The following CCDC7 variants were observed in gnomAD, a reference collection of about 807,000 sequenced individuals.
CCDC7 encodes the protein coiled-coil domain-containing protein 7.
Under a neutral mutation model 196.9 loss-of-function variants are expected in CCDC7, and 183 were observed. That is an observed-to-expected ratio of 0.93 (90% CI 0.82 to 1.05). The LOEUF is 1.05. CCDC7 is among the 50% of genes least tolerant of loss of function. The pLI is 0.00. For synonymous variants in CCDC7, 525 were observed against 484.6 expected, an observed-to-expected ratio of 1.08 and a Z score of -1.10; for missense variants, 1,540 against 1,482.2, an observed-to-expected ratio of 1.04 and a Z score of -0.64.
chr10:32,629,858 C>G (rs1415048354), intron 18 of CCDC7, among the ~76,000 whole-genome samples: 1 of 152,142 alleles, frequency 6.6e-6, no homozygotes, highest in Non-Finnish European at 1.5e-5. Flanking sequence ...GGAATTATTG[C>G]AGGAGCATCC....
At chr10:32,451,578 A>G (rs2033087038), upstream of CCDC7, 3 of 1,513,330 alleles carry the variant, frequency 2.0e-6, no homozygotes, top group Non-Finnish European at 2.6e-6. Flanking sequence ...TGAATCTCTT[A>G]TTTTTTTTCA....
In CCDC7 at chr10:32,726,798, G is replaced by GA. The variant is rs765697006; in HGVS notation, c.2641dup (p.Ile881AsnfsTer9). The GA allele has an allele frequency of 1.3e-6, 2 of 1,599,360 alleles. No individual in the cohort carries two copies. The highest frequency in any genetic ancestry group is 1.7e-6 in the Non-Finnish European group (2 of 1,170,228). On this transcript the variant is annotated frameshift_variant, in exon 26 of 42. Transcript: ENST00000639629. LOFTEE classifies it high-confidence loss of function. ...TGTCAAAACTCCAAATGCAAGAAAA[G>GA]AAAAAAATAACTCCTGGAAGGGAAA...
At chr10:32,701,834 G>C (rs1448169034) in intron 24 of CCDC7, among the ~76,000 whole-genome samples, 1 of 152,138 alleles carries the variant, frequency 6.6e-6, no homozygotes, top group African/African-American at 2.4e-5. Flanking sequence ...TCTGATGGTA[G>C]TTTGTATTTC....
At position 32,611,897 on chromosome 10, in the gene CCDC7, A is replaced by C. The variant is rs1041969954; in HGVS notation, c.1802-22357A>C. ...CTTTTTGCTTAGGATTGTCTTGGCT[A>C]TACAGGCTCTTTCTTGTTTCACATG... On this transcript the variant is annotated intron_variant, in intron 18 of 41. Coordinates refer to ENST00000639629, the Ensembl canonical transcript of CCDC7. 1.1e-4 allele frequency among the ~76,000 whole-genome samples: 17 copies of C among 152,328 alleles called. No homozygotes were observed. In the South Asian group the frequency reaches 2.7e-3, roughly 24 times the overall value.
chr10:32,704,183 G>T (rs2079280789), intron 24 of CCDC7, among the ~76,000 whole-genome samples: 1 of 152,016 alleles, frequency 6.6e-6, no homozygotes, highest in African/African-American at 2.4e-5. Flanking sequence ...TACAGATGGG[G>T]TTTTGGTGTG....
At chr10:32,862,059 C>G (rs2094009770) in intron 41 of CCDC7, among the ~76,000 whole-genome samples, 1 of 152,054 alleles carries the variant, frequency 6.6e-6, no homozygotes, top group Non-Finnish European at 1.5e-5. Flanking sequence ...AGCAATCCCA[C>G]TACTGGATAT....
At chr10:32,711,548 TAAATTTG>T in intron 24 of CCDC7, 65 bp from the exon 26 acceptor site, 1 of 909,908 alleles carries the variant, frequency 1.1e-6, no homozygotes, top group South Asian at 1.6e-5. Context: ...CCACTTGTTA[TAAATTTG>T]AACTCTAGGA....
intron 37 of CCDC7, among the ~76,000 whole-genome samples, chr10:32,846,917 A>C (rs183304971): frequency 6.6e-6 from 1 of 152,332 alleles, no homozygotes. Context: ...CCTGCAATAC[A>C]GTACTTTATT....
chr10:32,660,380 G>T (rs950008665), intron 20 of CCDC7, among the ~76,000 whole-genome samples: 2 of 138,638 alleles, frequency 1.4e-5, no homozygotes, highest in African/African-American at 5.4e-5. Flanking sequence ...GTGGTGTTTG[G>T]TTTTTTGTTC....
At chr10:32,529,416 A>G (rs1017175043) in intron 11 of CCDC7, among the ~76,000 whole-genome samples, 2 of 152,208 alleles carry the variant, frequency 1.3e-5, no homozygotes, top group African/African-American at 2.4e-5. Flanking sequence ...CCTTTTTACT[A>G]TATCCACACC....
At chr10:32,461,141 A>G (rs1266060217) in intron 3 of CCDC7, among the ~76,000 whole-genome samples, 1 of 152,122 alleles carries the variant, frequency 6.6e-6, no homozygotes, top group African/African-American at 2.4e-5. Context: ...GTAAATACTG[A>G]TATTTTGAAC....
chr10:32,668,409 G>A (rs1026792377), intron 21 of CCDC7, among the ~76,000 whole-genome samples: 1 of 152,088 alleles, frequency 6.6e-6, no homozygotes, highest in Non-Finnish European at 1.5e-5. Flanking sequence ...ACACTATGTT[G>A]GATAGGAGTG....
intron 28 of CCDC7, among the ~76,000 whole-genome samples, chr10:32,759,080 A>G (rs1272700612): frequency 6.6e-6 from 1 of 152,224 alleles, no homozygotes; most frequent in Non-Finnish European, 1.5e-5. Flanking sequence ...ACCACTGCTC[A>G]ATGAAATAAA....
intron 41 of CCDC7, among the ~76,000 whole-genome samples, chr10:32,856,160 T>C (rs2093745092): frequency 6.6e-6 from 1 of 152,170 alleles, no homozygotes; most frequent in East Asian, 1.9e-4. Context: ...ATATTGGATT[T>C]GGCAATGACT....
chr10:32,474,060 A>G (rs1342167529), intron 8 of CCDC7, 37 bp downstream of exon 9: 5 of 1,587,826 alleles, frequency 3.1e-6, no homozygotes, highest in Non-Finnish European at 4.3e-6. Context: ...TTGTGATAAT[A>G]ACCTCTGTTA....
chr10:32,881,195 G>A (rs1415606084), downstream of CCDC7, among the ~76,000 whole-genome samples: 1 of 152,124 alleles, frequency 6.6e-6, no homozygotes, highest in Admixed American at 6.6e-5. Flanking sequence ...CAAAAGGTAT[G>A]TTCACTGGGG....
At chr10:32,620,366 C>A (rs920727162) in intron 18 of CCDC7, among the ~76,000 whole-genome samples, 3 of 152,112 alleles carry the variant, frequency 2.0e-5, no homozygotes, top group Non-Finnish European at 2.9e-5. Flanking sequence ...GTGATAATAT[C>A]ATCTTCTACT....
upstream of CCDC7, among the ~76,000 whole-genome samples, chr10:32,444,785 A>G (rs2030585500): frequency 6.6e-6 from 1 of 151,850 alleles, no homozygotes; most frequent in Admixed American, 6.6e-5. Flanking sequence ...TTATATGTAC[A>G]TTTTCTTTGT....
At chr10:32,604,442 T>C (rs1765339205) in intron 18 of CCDC7, among the ~76,000 whole-genome samples, 1 of 152,190 alleles carries the variant, frequency 6.6e-6, no homozygotes, top group South Asian at 2.1e-4. Context: ...CTATAGAGAT[T>C]TTAAAAATTT....
Sources: gnomAD v4.1 joint callset for allele counts (sites outside exome capture counted in the v4.1 genomes callset) on GRCh38, gnomAD v4.1.1 for gene constraint, MANE v1.5 for transcripts, NCBI Gene and HGNC (gene_info 2026-07-23, HGNC 2026-07-21) for gene names.